Variants in LDLRAD3 observed in about 807,000 individuals in gnomAD.
LDLRAD3 encodes the protein low-density lipoprotein receptor class A domain-containing protein 3.
In LDLRAD3, 20 loss-of-function variants were observed where a neutral mutation model predicts 29.4. That is an observed-to-expected ratio of 0.68 (90% confidence interval 0.48 to 0.99). The LOEUF (loss-of-function observed/expected upper bound fraction) is 0.99. Ranked by LOEUF, LDLRAD3 falls within the 50% of genes least tolerant of loss-of-function variation. LDLRAD3 has a pLI of 0.00. For synonymous variants in LDLRAD3, 157 were observed against 192.7 expected, an observed-to-expected ratio of 0.81 and a Z score of 1.53; for missense variants, 420 against 454.3, an observed-to-expected ratio of 0.92 and a Z score of 0.69.
chr11:35,986,944 T>C (rs1157618690), intron 1 of LDLRAD3, among the ~76,000 whole-genome samples: 2 of 152,240 alleles, frequency 1.3e-5, no homozygotes, highest in African/African-American at 4.8e-5. Context: ...AGTCAAGGGC[T>C]GTATCTCTAG....
At chr11:36,127,428 T>C (rs115917844) in intron 4 of LDLRAD3, among the ~76,000 whole-genome samples, 3,387 of 152,322 alleles carry the variant, frequency 0.022, 120 homozygotes, top group African/African-American at 0.077. Flanking sequence ...TCTCACTTTG[T>C]CTCAGTTTCA....
At chr11:36,036,544 G>A (rs548000296) in intron 2 of LDLRAD3, among the ~76,000 whole-genome samples, 7 of 152,156 alleles carry the variant, frequency 4.6e-5, no homozygotes, top group South Asian at 2.1e-4. Context: ...CTTTATGTAC[G>A]AGCCAACTGA....
intron 4 of LDLRAD3, among the ~76,000 whole-genome samples, chr11:36,224,320 C>T (rs996251301): frequency 2.0e-5 from 3 of 152,080 alleles, no homozygotes; most frequent in African/African-American, 7.2e-5. Flanking sequence ...CTCACTTGAG[C>T]TCAAACAGCT....
rs576344715 is a variant in LDLRAD3, at chr11:36,083,819, C to T, written c.319+2041C>T. ...CAATGGCAATAAAATGCAAGTATGACGCATTATAGTATAAGCATTCTAAAT... is the reference window on the plus strand; with the variant it reads ...CAATGGCAATAAAATGCAAGTATGATGCATTATAGTATAAGCATTCTAAAT... On this transcript the variant is annotated intron_variant, in intron 3 of 5. Transcript: ENST00000315571. Among the ~76,000 whole-genome samples the T allele has an allele frequency of 4.6e-5, 7 of 151,678 alleles. No individual in the cohort carries two copies. The South Asian group carries it at 6.3e-4, about 14-fold the overall frequency.
At chr11:36,090,219 A>C (rs1010184308) in intron 3 of LDLRAD3, among the ~76,000 whole-genome samples, 1 of 152,172 alleles carries the variant, frequency 6.6e-6, no homozygotes, top group African/African-American at 2.4e-5. Flanking sequence ...ATAAAAGATT[A>C]TATTTTATAC....
intron 2 of LDLRAD3, among the ~76,000 whole-genome samples, chr11:36,044,737 G>A (rs1179439451): frequency 6.6e-6 from 1 of 152,212 alleles, no homozygotes; most frequent in Non-Finnish European, 1.5e-5. Flanking sequence ...ACATTTGAGG[G>A]GCTGAGGTGA....
At chr11:36,025,240 T>C (rs1401454596) in intron 1 of LDLRAD3, among the ~76,000 whole-genome samples, 1 of 152,198 alleles carries the variant, frequency 6.6e-6, no homozygotes, top group Admixed American at 6.5e-5. Context: ...TCCTAAAATA[T>C]TAGTGTAATT....
At chr11:36,045,566 T>C (rs78607438) in intron 2 of LDLRAD3, among the ~76,000 whole-genome samples, 2 of 152,154 alleles carry the variant, frequency 1.3e-5, no homozygotes, top group Admixed American at 6.5e-5. Flanking sequence ...CTGTCTGATA[T>C]GGTTTGGCTC....
At chr11:36,194,302 C>T (rs983203149) in intron 4 of LDLRAD3, among the ~76,000 whole-genome samples, 11 of 152,158 alleles carry the variant, frequency 7.2e-5, no homozygotes, top group African/African-American at 2.2e-4. Context: ...GTAGGGCAGG[C>T]GTCTCTCATC....
intron 1 of LDLRAD3, among the ~76,000 whole-genome samples, chr11:35,955,717 A>T (rs866073060): frequency 5.9e-5 from 9 of 152,376 alleles, no homozygotes; most frequent in Middle Eastern, 3.4e-3. Flanking sequence ...TAATGAAAGG[A>T]TGTTGAAGGT....
chr11:36,083,637 T>C (rs1853149676), intron 3 of LDLRAD3, among the ~76,000 whole-genome samples: 1 of 152,154 alleles, frequency 6.6e-6, no homozygotes, highest in Non-Finnish European at 1.5e-5. Context: ...ACTTACAATA[T>C]ACTTCTTTTG....
chr11:35,976,538 C>A (rs996575804), intron 1 of LDLRAD3, among the ~76,000 whole-genome samples: 1 of 152,144 alleles, frequency 6.6e-6, no homozygotes, highest in Non-Finnish European at 1.5e-5. Context: ...CAGACATAGA[C>A]ACAGTCAGGA....
chr11:36,088,591 T>G (rs1175800530), intron 3 of LDLRAD3, among the ~76,000 whole-genome samples: 1 of 152,206 alleles, frequency 6.6e-6, no homozygotes, highest in Non-Finnish European at 1.5e-5. Context: ...GTAGCTCTAT[T>G]CATGTCAATC....
At chr11:36,074,568 A>G (rs952441605) in intron 2 of LDLRAD3, among the ~76,000 whole-genome samples, 1 of 152,210 alleles carries the variant, frequency 6.6e-6, no homozygotes, top group Non-Finnish European at 1.5e-5. Context: ...TTCATGAGAA[A>G]GCCTGGAATT....
At chr11:36,067,988 C>G (rs73452667) in intron 2 of LDLRAD3, among the ~76,000 whole-genome samples, 8,074 of 152,196 alleles carry the variant, frequency 0.053, 691 homozygotes, top group African/African-American at 0.18. Context: ...TGTTGAAAGG[C>G]AAATGTTGAT....
At chr11:36,226,432 G>A (rs1173495925) in intron 4 of LDLRAD3, among the ~76,000 whole-genome samples, 1 of 152,186 alleles carries the variant, frequency 6.6e-6, no homozygotes, top group East Asian at 1.9e-4. Context: ...TTCCTGAGGT[G>A]TGTTATACAT....
intron 1 of LDLRAD3, chr11:35,997,334 T>G: frequency 2.2e-6 from 1 of 454,116 alleles, no homozygotes; most frequent in Admixed American, 2.3e-5. Flanking sequence ...GTGCCACATC[T>G]GTGAAGCAAT....
In LDLRAD3 at chr11:36,229,379, G is replaced by A. The variant is rs754847047; in HGVS notation, c.1020G>A (p.Gln340=). The part of the protein sequence containing the change: ...TAEPRDSEPS[Q]GTEEV ...AGCCCAGGGACTCTGAGCCCAGCCAGGGCACTGAAGAAGTATAAGTCCCAG... is the reference window on the plus strand; with the variant it reads ...AGCCCAGGGACTCTGAGCCCAGCCAAGGCACTGAAGAAGTATAAGTCCCAG... The change falls in exon 6 of 6, where the codon CAG becomes CAA. Residue 340 remains glutamine, a synonymous_variant. Transcript: ENST00000315571. 10 of 1,611,810 alleles carry A rather than the reference G, an allele frequency of 6.2e-6. No homozygotes were observed. Among genetic ancestry groups the A allele is most frequent in the Non-Finnish European group, 7.6e-6 (9 of 1,178,286 alleles).
At chr11:36,012,770 C>T (rs889704005) in intron 1 of LDLRAD3, among the ~76,000 whole-genome samples, 5 of 152,018 alleles carry the variant, frequency 3.3e-5, no homozygotes, top group Admixed American at 2.6e-4. Flanking sequence ...TTTCAGAAGT[C>T]CATTGACTGA....
Sources: allele counts gnomAD v4.1 joint callset (sites outside exome capture counted in the v4.1 genomes callset), GRCh38; gene constraint gnomAD v4.1.1; transcripts MANE v1.5; gene names NCBI Gene and HGNC (gene_info 2026-07-23, HGNC 2026-07-21).